RABGAP1L: variants seen among roughly 807,000 people sequenced by gnomAD.
RABGAP1L encodes the protein RAB GTPase activating protein 1 like, also known as rab GTPase-activating protein 1-like.
A neutral mutation model predicts 137.7 loss-of-function variants in RABGAP1L; 63 were observed. That is an observed-to-expected ratio of 0.46 (90% CI 0.37 to 0.56). The LOEUF (loss-of-function observed/expected upper bound fraction) is 0.56, where lower values mean the gene tolerates loss of function less well. RABGAP1L is among the 20% of genes least tolerant of loss of function. The pLI is 0.00. For missense variants in RABGAP1L, 1,095 were observed against 1,244.0 expected, an observed-to-expected ratio of 0.88 and a Z score of 1.80; for synonymous variants, 431 against 433.7, an observed-to-expected ratio of 0.99 and a Z score of 0.08.
chr1:174,713,510 G>C (rs1000369619), intron 17 of RABGAP1L, among the ~76,000 whole-genome samples: 1 of 152,110 alleles, frequency 6.6e-6, no homozygotes, highest in Non-Finnish European at 1.5e-5. Flanking sequence ...TTCTTATTCT[G>C]AGTTCATGGG....
intron 13 of RABGAP1L, chr1:174,449,173 A>G (rs1256090936): frequency 6.2e-7 from 1 of 1,604,884 alleles, no homozygotes; most frequent in African/African-American, 1.3e-5. Flanking sequence ...AACCTAGGAA[A>G]CGGGCTAATT....
chr1:174,613,595 C>G (rs1433679476), intron 13 of RABGAP1L, among the ~76,000 whole-genome samples: 1 of 152,120 alleles, frequency 6.6e-6, no homozygotes, highest in Non-Finnish European at 1.5e-5. Context: ...GAGCTGAGTT[C>G]AATTCCTGGA....
intron 12 of RABGAP1L, among the ~76,000 whole-genome samples, chr1:174,374,141 T>TCGC (rs1685324623): frequency 6.6e-6 from 1 of 152,218 alleles, no homozygotes. Flanking sequence ...AATGGTAGCG[T>TCGC]ATGCATTGAT....
chr1:174,601,167 G>C (rs989184204), intron 13 of RABGAP1L, among the ~76,000 whole-genome samples: 1 of 152,200 alleles, frequency 6.6e-6, no homozygotes, highest in Non-Finnish European at 1.5e-5. Flanking sequence ...GGAGTGGCTG[G>C]GACACAGGGA....
chr1:174,195,680 C>A (rs57021015), intron 1 of RABGAP1L, among the ~76,000 whole-genome samples: 1 of 101,910 alleles, frequency 9.8e-6, no homozygotes, highest in Non-Finnish European at 1.9e-5. Flanking sequence ...TTCCTTCTTT[C>A]CTTCTTTCCT....
intron 19 of RABGAP1L, among the ~76,000 whole-genome samples, chr1:174,840,397 T>A (rs1355169635): frequency 1.2e-4 from 19 of 152,134 alleles, no homozygotes; most frequent in Admixed American, 1.2e-3. Context: ...TGCCCACAGC[T>A]GCAGATCTCA....
At chr1:174,365,797 C>T (rs541000950) in intron 11 of RABGAP1L, among the ~76,000 whole-genome samples, 1 of 152,162 alleles carries the variant, frequency 6.6e-6, no homozygotes, top group African/African-American at 2.4e-5. Flanking sequence ...TAAAACCATG[C>T]GCTGTGATTG....
intron 19 of RABGAP1L, among the ~76,000 whole-genome samples, chr1:174,916,407 A>G (rs1660888879): frequency 6.6e-6 from 1 of 152,228 alleles, no homozygotes; most frequent in Admixed American, 6.5e-5. Context: ...TATCGCTGAA[A>G]AGAGTGATCC....
chr1:174,477,267 A>T (rs1658599682), intron 13 of RABGAP1L, among the ~76,000 whole-genome samples: 1 of 152,226 alleles, frequency 6.6e-6, no homozygotes, highest in South Asian at 2.1e-4. Flanking sequence ...AACAAATAGC[A>T]TTGCAAGCTA....
intron 13 of RABGAP1L, among the ~76,000 whole-genome samples, chr1:174,495,597 C>G (rs1290844503): frequency 6.6e-6 from 1 of 152,190 alleles, no homozygotes; most frequent in African/African-American, 2.4e-5. Flanking sequence ...CATTCTTTCT[C>G]TTTGTCATTC....
chr1:174,167,729 A>G (rs1665026521), intron 1 of RABGAP1L, among the ~76,000 whole-genome samples: 1 of 152,200 alleles, frequency 6.6e-6, no homozygotes, highest in Admixed American at 6.5e-5. Context: ...TTCTACTACA[A>G]GTGATGCAAA....
chr1:174,760,776 G>A (rs899399239), intron 18 of RABGAP1L, among the ~76,000 whole-genome samples: 1 of 152,138 alleles, frequency 6.6e-6, no homozygotes, highest in Non-Finnish European at 1.5e-5. Flanking sequence ...GAACTAATTT[G>A]TATTCCCACC....
At chr1:174,296,335 G>T (rs1028969803) in intron 10 of RABGAP1L, among the ~76,000 whole-genome samples, 1 of 152,208 alleles carries the variant, frequency 6.6e-6, no homozygotes, top group African/African-American at 2.4e-5. Context: ...CAAAAGAGAT[G>T]CTGGGTACAA....
intron 13 of RABGAP1L, among the ~76,000 whole-genome samples, chr1:174,498,681 T>C (rs1572062830): frequency 6.6e-6 from 1 of 150,884 alleles, no homozygotes; most frequent in East Asian, 1.9e-4. Flanking sequence ...TTTTTTTTTT[T>C]TGTATTTTTA....
At chr1:174,347,499 G>GTTTT (rs1389816629) in intron 11 of RABGAP1L, among the ~76,000 whole-genome samples, 2 of 131,004 alleles carry the variant, frequency 1.5e-5, no homozygotes, top group African/African-American at 6.2e-5. Flanking sequence ...GTGTGTGTGT[G>GTTTT]TTTTTTTCTT....
intron 11 of RABGAP1L, among the ~76,000 whole-genome samples, chr1:174,352,113 G>A (rs1683250762): frequency 6.6e-6 from 1 of 152,094 alleles, no homozygotes; most frequent in Non-Finnish European, 1.5e-5. Context: ...CGGCCGGGAA[G>A]TACTCTGTTA....
intron 12 of RABGAP1L, among the ~76,000 whole-genome samples, chr1:174,377,788 A>G (rs930088060): frequency 4.0e-5 from 6 of 149,500 alleles, no homozygotes; most frequent in Non-Finnish European, 7.4e-5. Flanking sequence ...TTTTATTATT[A>G]TTATTTTTTA....
chr1:174,699,529 C>T lies in RABGAP1L; in HGVS notation c.1904C>T (p.Pro635Leu). 2 of 1,611,778 alleles carry T rather than the reference C, an allele frequency of 1.2e-6. No individual in the cohort carries two copies. The highest frequency in any genetic ancestry group is 1.7e-6 in the Non-Finnish European group (2 of 1,178,826). ...FLAAVLLLHM[P>L]EEQAFCVLVK... is the part of the protein sequence containing the mutation. Reference sequence around the variant, plus strand: ...TATGTATATATTTTTCTGTAGATGCCAGAGGAACAAGCATTCTGTGTTTTG... The same window carrying T: ...TATGTATATATTTTTCTGTAGATGCTAGAGGAACAAGCATTCTGTGTTTTG... Residue 635 changes from proline (P) to leucine (L), a missense_variant, in exon 16 of 26, where the codon CCA (proline) becomes CTA (leucine). Coordinates refer to ENST00000681986, the MANE Select transcript of RABGAP1L (RefSeq NM_001366446.1).
chr1:174,192,253 C>T (rs922786702), intron 1 of RABGAP1L, among the ~76,000 whole-genome samples: 1 of 150,658 alleles, frequency 6.6e-6, no homozygotes, highest in African/African-American at 2.4e-5. Context: ...TCTCTAACTG[C>T]GTAACACATG....
Sources: gnomAD v4.1 joint callset for allele counts (sites outside exome capture counted in the v4.1 genomes callset) on GRCh38, gnomAD v4.1.1 for gene constraint, MANE v1.5 for transcripts, NCBI Gene and HGNC (gene_info 2026-07-23, HGNC 2026-07-21) for gene names.